Variants in PEBP4 observed in about 807,000 individuals in gnomAD.
The protein encoded by PEBP4 is phosphatidylethanolamine-binding protein 4.
A neutral mutation model predicts 23.9 loss-of-function variants in PEBP4; 22 were observed. The observed-to-expected ratio is 0.92, with a 90% CI of 0.66 to 1.31. The LOEUF (loss-of-function observed/expected upper bound fraction) is 1.31, where lower values mean the gene tolerates loss of function less well. Among genes scored for constraint, PEBP4 ranks in the 40% most tolerant of loss-of-function variants. PEBP4 has a pLI of 0.00. For missense variants in PEBP4, 324 were observed against 281.7 expected (o/e 1.15, Z -1.07); for synonymous variants, 112 against 99.3 (o/e 1.13, Z -0.76).
At chr8:22,816,920 TA>T (rs2128761714) in intron 4 of PEBP4, among the ~76,000 whole-genome samples, 2 of 152,254 alleles carry the variant, frequency 1.3e-5, no homozygotes, top group East Asian at 1.9e-4. Flanking sequence ...ACTAGACTAG[TA>T]AAAGCTCCAA....
intron 3 of PEBP4, among the ~76,000 whole-genome samples, chr8:22,856,483 G>A (rs1807652196): frequency 6.6e-6 from 1 of 152,194 alleles, no homozygotes; most frequent in African/African-American, 2.4e-5. Flanking sequence ...TTGGGAGGCC[G>A]AGGCAGGCGG....
chr8:22,890,827 CCTTTT>C (rs910449116), intron 3 of PEBP4, among the ~76,000 whole-genome samples: 6 of 152,130 alleles, frequency 3.9e-5, no homozygotes, highest in African/African-American at 1.2e-4. Flanking sequence ...ACATCTTCCC[CCTTTT>C]CTTTTTTTTA....
intron 3 of PEBP4, chr8:22,885,770 G>A (rs191151658): frequency 1.3e-4 from 20 of 152,272 alleles, no homozygotes; most frequent in Non-Finnish European, 1.8e-4. Flanking sequence ...AATACGCCTC[G>A]TGGGTATTCA....
chr8:22,907,408 A>G (rs1040246931), intron 3 of PEBP4, among the ~76,000 whole-genome samples: 12 of 152,170 alleles, frequency 7.9e-5, no homozygotes, highest in Non-Finnish European at 1.2e-4. Flanking sequence ...GCTGCTTGGG[A>G]GGTTGAGACA....
At chr8:22,798,041 A>T (rs567531289) in intron 4 of PEBP4, among the ~76,000 whole-genome samples, 1 of 152,194 alleles carries the variant, frequency 6.6e-6, no homozygotes, top group Non-Finnish European at 1.5e-5. Context: ...ATTGTGTGGC[A>T]CAGACTGAGT....
chr8:22,846,366 A>G (rs540557447), intron 3 of PEBP4, among the ~76,000 whole-genome samples: 1 of 152,298 alleles, frequency 6.6e-6, no homozygotes, highest in South Asian at 2.1e-4. Context: ...TCTTAGAAGT[A>G]GGAGCTCCTG....
At chr8:22,740,692 C>A (rs558725892) in intron 4 of PEBP4, among the ~76,000 whole-genome samples, 1 of 152,156 alleles carries the variant, frequency 6.6e-6, no homozygotes, top group Non-Finnish European at 1.5e-5. Flanking sequence ...GAGACCCCCT[C>A]CCCTGGGGCT....
intron 3 of PEBP4, among the ~76,000 whole-genome samples, chr8:22,844,511 T>G (rs1283662121): frequency 6.6e-6 from 1 of 152,224 alleles, no homozygotes; most frequent in African/African-American, 2.4e-5. Flanking sequence ...AGTGCTGGGA[T>G]TACAGGTGTG....
At chr8:22,798,762 A>T (rs1321308880) in intron 4 of PEBP4, 17 of 86,462 alleles carry the variant, frequency 2.0e-4, no homozygotes, top group East Asian at 4.1e-4. Flanking sequence ...TTTGAGGTGG[A>T]GTCTTAACTC....
chr8:22,728,520 G>T (rs982353491), intron 4 of PEBP4, among the ~76,000 whole-genome samples: 4 of 148,940 alleles, frequency 2.7e-5, no homozygotes, highest in Admixed American at 2.7e-4. Context: ...TTCATTCCTT[G>T]CTGGCTTGCT....
chr8:22,814,043 T>C (rs1386281202), intron 4 of PEBP4, among the ~76,000 whole-genome samples: 1 of 152,208 alleles, frequency 6.6e-6, no homozygotes, highest in Non-Finnish European at 1.5e-5. Context: ...AATAATAATA[T>C]AAGAGCAAGT....
At chr8:22,901,014 G>A (rs1808699954) in intron 3 of PEBP4, among the ~76,000 whole-genome samples, 1 of 152,194 alleles carries the variant, frequency 6.6e-6, no homozygotes, top group South Asian at 2.1e-4. Flanking sequence ...ATGATAAAAT[G>A]TTTAAAAATA....
chr8:22,729,274 G>A (rs1409536822), intron 4 of PEBP4, among the ~76,000 whole-genome samples: 1 of 152,260 alleles, frequency 6.6e-6, no homozygotes, highest in East Asian at 1.9e-4. Flanking sequence ...CTAGGGCTGA[G>A]CGCAGGGAAG....
rs1477507621 is a variant in PEBP4, at chr8:22,920,220, C to T, written c.222G>A (p.Trp74Ter). ...CCGGGAACTTGACTATCGGCTCCATCCAGGAGGTGATCTTCTGTCTGTAGT... is the reference window on the plus strand; with the variant it reads ...CCGGGAACTTGACTATCGGCTCCATTCAGGAGGTGATCTTCTGTCTGTAGT... Reference protein sequence around the residue: ...CNNYRQKITSWMEPIVKFPGA... With the variant: ...CNNYRQKITS The change falls in exon 3 of 7, where the codon TGG becomes TGA. Residue 74 changes from tryptophan (W) to a stop codon, truncating the protein, a stop_gained. Coordinates refer to ENST00000256404, the MANE Select transcript of PEBP4 (RefSeq NM_144962.3). LOFTEE classifies it high-confidence loss of function. 1.9e-6 allele frequency: 3 copies of T among 1,613,560 alleles called. No homozygotes were observed. Among genetic ancestry groups the T allele is most frequent in the African/African-American group, 2.7e-5 (2 of 74,892 alleles).
chr8:22,763,037 C>T (rs141473570), intron 4 of PEBP4, among the ~76,000 whole-genome samples: 343 of 151,872 alleles, frequency 2.3e-3, no homozygotes, highest in Non-Finnish European at 3.8e-3. Context: ...TCGGGTCTTG[C>T]TCTCTCTCCC....
chr8:22,869,297 T>C (rs1807962523), intron 3 of PEBP4, among the ~76,000 whole-genome samples: 1 of 152,230 alleles, frequency 6.6e-6, no homozygotes, highest in Non-Finnish European at 1.5e-5. Context: ...CTGTATGGTA[T>C]ACTTGTGTAT....
chr8:22,819,798 G>A (rs555506643), intron 3 of PEBP4, among the ~76,000 whole-genome samples: 1 of 152,180 alleles, frequency 6.6e-6, no homozygotes, highest in East Asian at 1.9e-4. Context: ...AGTAGAGACG[G>A]GGTTTCACCG....
At chr8:22,803,538 C>T (rs569752993) in intron 4 of PEBP4, among the ~76,000 whole-genome samples, 5 of 152,006 alleles carry the variant, frequency 3.3e-5, no homozygotes, top group Non-Finnish European at 7.4e-5. Context: ...GTGCTGCGGG[C>T]TTATAATCCC....
chr8:22,718,937 A>C (rs1804466233), intron 6 of PEBP4, among the ~76,000 whole-genome samples: 1 of 150,790 alleles, frequency 6.6e-6, no homozygotes, highest in South Asian at 2.1e-4. Flanking sequence ...AACATCTCCT[A>C]CTCTTGAAGC....
Sources: gnomAD v4.1 joint callset for allele counts (sites outside exome capture counted in the v4.1 genomes callset) on GRCh38, gnomAD v4.1.1 for gene constraint, MANE v1.5 for transcripts, NCBI Gene and HGNC (gene_info 2026-07-23, HGNC 2026-07-21) for gene names.